Variants in CAPN15 observed in about 807,000 individuals in gnomAD.
The protein encoded by CAPN15 is calpain 15.
CAPN15 carries 53 observed loss-of-function variants against 97.9 expected under a neutral mutation model. That is an observed-to-expected ratio of 0.54 (90% CI 0.43 to 0.68). CAPN15 has a LOEUF of 0.68. Ranked by LOEUF, CAPN15 falls within the 30% of genes least tolerant of loss-of-function variation. The probability of loss-of-function intolerance (pLI) is 0.00; values close to 1 mark genes in which losing one functional copy is unlikely to be tolerated. For missense variants in CAPN15, 1,592 were observed against 1,589.8 expected (o/e 1.00, Z -0.02); for synonymous variants, 922 against 722.5 (o/e 1.28, Z -4.43).
In CAPN15 at chr16:547,403, G is replaced by T; in HGVS notation, c.565G>T (p.Ala189Ser). ...PEALVVPEVV[A>S]PAGFHVVPAA... ...GGCCCTGGTGGTCCCGGAAGTGGTGGCCCCGGCCGGCTTCCACGTCGTGCC... is the reference window on the plus strand; with the variant it reads ...GGCCCTGGTGGTCCCGGAAGTGGTGTCCCCGGCCGGCTTCCACGTCGTGCC... Residue 189 changes from alanine to serine, a missense_variant, in exon 4 of 14, where the codon GCC (alanine) becomes TCC (serine). This residue lies in a region of CAPN15 where 883 missense variants were observed against 776.6 expected (regional missense o/e 1.14). Coordinates refer to ENST00000219611, the MANE Select transcript of CAPN15 (RefSeq NM_005632.3). 6.4e-7 allele frequency: 1 copy of T among 1,564,866 alleles called. No homozygotes were observed. The highest frequency in any genetic ancestry group is 1.8e-5 in the Admixed American group (1 of 55,614).
At chr16:532,904 C>A (rs1368992337) in intron 1 of CAPN15, among the ~76,000 whole-genome samples, 1 of 149,524 alleles carries the variant, frequency 6.7e-6, no homozygotes, top group African/African-American at 2.5e-5. Flanking sequence ...CACACCTGCA[C>A]ACCATCCTCA....
In CAPN15 at chr16:547,581, G is replaced by A. The variant is rs749018970; in HGVS notation, c.743G>A (p.Arg248Gln). 3.8e-6 allele frequency: 6 copies of A among 1,580,376 alleles called. No individual in the cohort carries two copies. Among genetic ancestry groups the A allele is most frequent in the East Asian group, 4.5e-5 (2 of 44,350 alleles). ...TLQNNPVPRSRREVPPQLQPP... is the reference protein window; with the variant it reads ...TLQNNPVPRSQREVPPQLQPP... ...CAGAACAACCCCGTGCCGCGCAGCC[G>A]ACGCGAGGTTCCCCCCCAGCTGCAG... Residue 248 changes from arginine to glutamine, a missense_variant, in exon 4 of 14, where the codon CGA becomes CAA. Physicochemically the swap from Arg to Gln is conservative, Grantham distance 43. Around this residue, in one of 3 missense-constraint regions of CAPN15, gnomAD observed 883 missense variants for 776.6 expected, o/e 1.14. Coordinates refer to ENST00000219611, the MANE Select transcript of CAPN15 (RefSeq NM_005632.3).
In CAPN15 at chr16:552,115, T is replaced by A; in HGVS notation, c.2410T>A (p.Cys804Ser). 1.3e-6 allele frequency: 2 copies of A among 1,548,708 alleles called. No individual in the cohort carries two copies. Among genetic ancestry groups the A allele is most frequent in the Non-Finnish European group, 1.7e-6 (2 of 1,146,700 alleles). ...SDWQEARVQG[C>S]FPSSASAPVG... ...CTGGCAGGAGGCGCGGGTGCAGGGC[T>A]GCTTTCCCAGCTCGGCCAGCGCGCC... Residue 804 changes from cysteine (C) to serine (S), a missense_variant, in exon 10 of 14, where the codon TGC (cysteine) becomes AGC (serine). Transcript: ENST00000219611. This position sits in a 1 kb window ranked among gnomAD's most constrained non-coding sequence, Gnocchi z 6.4.
At chr16:544,253 G>A (rs1197866763) in intron 3 of CAPN15, among the ~76,000 whole-genome samples, 4 of 152,108 alleles carry the variant, frequency 2.6e-5, no homozygotes, top group Admixed American at 2.0e-4. Flanking sequence ...AGCAGGAGGA[G>A]CTGCCGACCA....
intron 3 of CAPN15, among the ~76,000 whole-genome samples, chr16:541,692 T>A (rs1262228376): frequency 6.6e-6 from 1 of 152,242 alleles, no homozygotes; most frequent in East Asian, 1.9e-4. Flanking sequence ...GTCATTGCAA[T>A]CCAGCGTTGC....
intron 6 of CAPN15, 29 bp downstream of exon 6, chr16:549,500 C>T (rs750073259): frequency 1.9e-5 from 28 of 1,443,614 alleles, no homozygotes; most frequent in South Asian, 4.7e-5. Context: ...TGGGCACGGG[C>T]GGCAGGGGCA....
rs543476764 is a variant in CAPN15 at position 547,421 on chromosome 16, G to T, written c.583G>T (p.Val195Phe). Reference sequence around the variant, plus strand: ...AGTGGTGGCCCCGGCCGGCTTCCACGTCGTGCCTGCCGCGCCTCCACCTGG... The same window carrying T: ...AGTGGTGGCCCCGGCCGGCTTCCACTTCGTGCCTGCCGCGCCTCCACCTGG... ...PEVVAPAGFH[V>F]VPAAPPPGLP... Residue 195 changes from valine (V) to phenylalanine (F), a missense_variant, in exon 4 of 14, where the codon GTC becomes TTC. By Grantham distance (50) the Val-to-Phe change is conservative. Coordinates refer to ENST00000219611, the MANE Select transcript of CAPN15 (RefSeq NM_005632.3). The T allele has an allele frequency of 1.2e-5, 19 of 1,575,888 alleles. No homozygotes were observed. The Middle Eastern group carries it at 2.2e-3, about 185-fold the overall frequency.
At position 551,462 on chromosome 16, in the gene CAPN15, C is replaced by T. The variant is rs375674493; in HGVS notation, c.2192+35C>T. 196 of 1,599,826 alleles carry T rather than the reference C, an allele frequency of 1.2e-4. 2 individuals are homozygous for T. The highest frequency in any genetic ancestry group is 9.0e-4 in the East Asian group (40 of 44,446). ...GCCTGGCTGAGGGTGGGTGGGGTGC[C>T]GGTGAGACTCGGGCAGTGTGGTTCA... On this transcript the variant is annotated intron_variant, in intron 8 of 13. Transcript: ENST00000219611.
chr16:534,227 C>CCGGCGGGGCCGTGGTCCTGTCGTGGGGGG (rs1184343290), intron 2 of CAPN15, among the ~76,000 whole-genome samples: 1 of 152,226 alleles, frequency 6.6e-6, no homozygotes, highest in Non-Finnish European at 1.5e-5. Context: ...GCCCGGGGTC[C>CCGGCGGGGCCGTGGTCCTGTCGTGGGGGG]CGACAGGGGT....
intron 3 of CAPN15, among the ~76,000 whole-genome samples, chr16:543,861 G>A (rs570802805): frequency 6.6e-4 from 100 of 152,318 alleles, no homozygotes; most frequent in Non-Finnish European, 8.7e-4. Flanking sequence ...CCTGGTGGCC[G>A]CTGAATTCTC....
intron 3 of CAPN15, chr16:543,277 T>G (rs8054514): frequency 0.24 from 37,301 of 154,612 alleles, 6,841 homozygotes; most frequent in African/African-American, 0.52. Context: ...GACCTCGGGA[T>G]GGCCTCTCCA....
rs773462165 is a variant in CAPN15 at position 547,091 on chromosome 16, G to A, written c.253G>A (p.Gly85Arg). 5.7e-6 allele frequency: 9 copies of A among 1,590,608 alleles called. No homozygotes were observed. Among genetic ancestry groups the A allele is most frequent in the Admixed American group, 3.4e-5 (2 of 58,492 alleles). Residue 85 changes from glycine to arginine, a missense_variant, in exon 4 of 14, where the codon GGG (glycine) becomes AGG (arginine). By Grantham distance (125) the Gly-to-Arg change is moderately radical (BLOSUM62 -2). Coordinates refer to ENST00000219611, the MANE Select transcript of CAPN15 (RefSeq NM_005632.3). ...GGCTGCCTTCCTGCCAGTCCTCAAC[G>A]GGGTCCTCCCCAAGCCACCCGCCAT... ...PGAAFLPVLN[G>R]VLPKPPAILG...
chr16:553,926 A>G lies in CAPN15; in HGVS notation c.*410A>G, dbSNP rs1261895974. 1 of 190,950 alleles carries G rather than the reference A, an allele frequency of 5.2e-6. No homozygotes were observed. The highest frequency in any genetic ancestry group is 1.0e-5 in the Non-Finnish European group (1 of 96,588). 11.8% of individuals were successfully genotyped at this position (190,950 alleles called of 1,614,324 possible). On this transcript the variant is annotated 3_prime_UTR_variant, in exon 14 of 14. Transcript: ENST00000219611. ...AGACCCTGGGGTGGGATCAGGGACCACCCCTCACGGGGCATAAGGTCAGTT... is the reference window on the plus strand; with the variant it reads ...AGACCCTGGGGTGGGATCAGGGACCGCCCCTCACGGGGCATAAGGTCAGTT...
At chr16:531,252 G>A (rs1676662492) in intron 1 of CAPN15, among the ~76,000 whole-genome samples, 1 of 152,190 alleles carries the variant, frequency 6.6e-6, no homozygotes, top group Non-Finnish European at 1.5e-5. Context: ...CCACGCTGGA[G>A]TGCAGTTGCA....
chr16:542,432 G>C (rs1210003976), intron 3 of CAPN15, among the ~76,000 whole-genome samples: 1 of 152,046 alleles, frequency 6.6e-6, no homozygotes, highest in Non-Finnish European at 1.5e-5. Context: ...CCACTCCCTC[G>C]ACAGCTCCTG....
Position 547,648 on chromosome 16 carries a change from C to T in CAPN15, c.810C>T (p.Gly270=). Residue 270 remains glycine (G), a synonymous_variant, in exon 4 of 14, where the codon GGC becomes GGT. Transcript: ENST00000219611. ...PEAAQPSPSA[G]CRGAPQGSGW... ...CTGCCCAGCCGTCACCCTCTGCCGG[C>T]TGCAGGGGAGCCCCCCAGGGCTCGG... The T allele has an allele frequency of 6.4e-7, 1 of 1,571,730 alleles. No individual in the cohort carries two copies. The highest frequency in any genetic ancestry group is 8.6e-7 in the Non-Finnish European group (1 of 1,159,282).
chr16:547,182 C>G lies in CAPN15; in HGVS notation c.344C>G (p.Ala115Gly), dbSNP rs1313076634. The G allele has an allele frequency of 3.3e-6, 5 of 1,534,626 alleles. No individual in the cohort carries two copies. Among genetic ancestry groups the G allele is most frequent in the Non-Finnish European group, 3.5e-6 (4 of 1,145,440 alleles). Residue 115 changes from alanine (A) to glycine (G), a missense_variant, in exon 4 of 14, where the codon GCC (alanine) becomes GGC (glycine). Physicochemically the swap from Ala to Gly is moderately conservative, Grantham distance 60. Coordinates refer to ENST00000219611, the MANE Select transcript of CAPN15 (RefSeq NM_005632.3). ...CCAGTGAGGACTGCGGGGCTGGTGGCCACGGAGCCCGCCAGGGGGCAGTGC... is the reference window on the plus strand; with the variant it reads ...CCAGTGAGGACTGCGGGGCTGGTGGGCACGGAGCCCGCCAGGGGGCAGTGC... ...AGPVRTAGLV[A>G]TEPARGQCED...
chr16:549,707 C>T lies in CAPN15; in HGVS notation c.1935C>T (p.Ile645=), dbSNP rs368633165. Residue 645 remains isoleucine, a synonymous_variant, in exon 7 of 14, where the codon ATC becomes ATT. Transcript: ENST00000219611. ...SYFALQAGRA[I]EGLATLTGAP... is the part of the protein sequence containing the mutation. ...TTGCGCTCCAGGCGGGCCGCGCCATCGAAGGCCTGGCCACGCTCACCGGCG... is the reference window on the plus strand; with the variant it reads ...TTGCGCTCCAGGCGGGCCGCGCCATTGAAGGCCTGGCCACGCTCACCGGCG... The T allele has an allele frequency of 2.0e-5, 31 of 1,568,380 alleles. No individual in the cohort carries two copies. Among genetic ancestry groups the T allele is most frequent in the South Asian group, 5.8e-5 (5 of 86,026 alleles).
intron 1 of CAPN15, 146 bp downstream of exon 1, chr16:528,175 G>C (rs2032988554): frequency 6.6e-6 from 1 of 151,154 alleles, no homozygotes; most frequent in African/African-American, 2.4e-5. Context: ...AGCCAGGGCA[G>C]GGACGGCAGG....
Sources: allele counts gnomAD v4.1 joint callset (sites outside exome capture counted in the v4.1 genomes callset), GRCh38; gene constraint gnomAD v4.1.1; regional missense constraint gnomAD v4.1.1; non-coding constraint Gnocchi (gnomAD v3.1); transcripts MANE v1.5; gene names NCBI Gene and HGNC (gene_info 2026-07-23, HGNC 2026-07-21).